GRAMD1B: variants seen among roughly 807,000 people sequenced by gnomAD.
GRAMD1B encodes the protein protein Aster-B.
In GRAMD1B, 37 loss-of-function variants were observed where a neutral mutation model predicts 99.7. That is an observed-to-expected ratio of 0.37 (90% confidence interval 0.29 to 0.49). The LOEUF (loss-of-function observed/expected upper bound fraction) is 0.49. Ranked by LOEUF, GRAMD1B falls within the 20% of genes least tolerant of loss-of-function variation. The pLI, the probability that GRAMD1B is intolerant of heterozygous loss-of-function variation, is 0.98. For synonymous variants in GRAMD1B, 427 were observed against 387.6 expected, an observed-to-expected ratio of 1.10 and a Z score of -1.19; for missense variants, 888 against 1,009.2, an observed-to-expected ratio of 0.88 and a Z score of 1.63.
intron 1 of GRAMD1B, among the ~76,000 whole-genome samples, chr11:123,404,495 ATTG>A (rs1947785920): frequency 1.3e-5 from 2 of 152,342 alleles, no homozygotes; most frequent in South Asian, 4.1e-4. Context: ...TAACTGATCA[ATTG>A]TTGTTTTTAA....
intron 2 of GRAMD1B, among the ~76,000 whole-genome samples, chr11:123,534,646 T>A (rs1357406005): frequency 6.6e-6 from 1 of 152,042 alleles, no homozygotes. Context: ...GTGGATCACA[T>A]GAGGTCAGGA....
At chr11:123,605,619 G>A in intron 10 of GRAMD1B, 141 bp downstream of exon 10, 2 of 673,638 alleles carry the variant, frequency 3.0e-6, no homozygotes, top group South Asian at 4.4e-5. Context: ...GAGGCATTCT[G>A]GAGCAGATGG....
At chr11:123,483,732 G>C (rs1025436158) in intron 2 of GRAMD1B, among the ~76,000 whole-genome samples, 1 of 152,102 alleles carries the variant, frequency 6.6e-6, no homozygotes, top group Non-Finnish European at 1.5e-5. Flanking sequence ...CCGCAGATAA[G>C]GGGGGACTGC....
At chr11:123,373,651 A>G (rs1028227617) in intron 1 of GRAMD1B, among the ~76,000 whole-genome samples, 5 of 152,194 alleles carry the variant, frequency 3.3e-5, no homozygotes, top group Non-Finnish European at 7.3e-5. Flanking sequence ...TGTCTTACAT[A>G]CTTAGGTGGG....
chr11:123,433,578 C>T lies in GRAMD1B; in HGVS notation c.374+2412C>T, dbSNP rs1441901638. Among the ~76,000 whole-genome samples the T allele has an allele frequency of 3.3e-5, 5 of 151,942 alleles. No homozygotes were observed. In the East Asian group the frequency reaches 9.7e-4, roughly 29 times the overall value. On this transcript the variant is annotated intron_variant, in intron 1 of 19. Coordinates refer to ENST00000635736, the MANE Select transcript of GRAMD1B (RefSeq NM_001387025.1). Reference sequence around the variant, plus strand: ...TTGTGGTGTGAGGATCACATGAGCCCAAGAGTTCAAGGCTTTAGTAGGCTA... The same window carrying T: ...TTGTGGTGTGAGGATCACATGAGCCTAAGAGTTCAAGGCTTTAGTAGGCTA...
In GRAMD1B at chr11:123,513,837, G is replaced by A. The variant is rs548650655; in HGVS notation, c.452+32944G>A. ...ACACTTGGCTAATTTTTTATTTTTT[G>A]TAGAAATGGAGTCTCACTATGTTGC... is the stretch of plus-strand genomic sequence containing the variant. On this transcript the variant is annotated intron_variant, in intron 2 of 19. Transcript: ENST00000635736. Among the ~76,000 whole-genome samples, 10 of 151,582 alleles carry A rather than the reference G, an allele frequency of 6.6e-5. No homozygotes were observed. In the East Asian group the frequency reaches 1.7e-3, roughly 26 times the overall value.
At chr11:123,469,981 T>C (rs1950928610) in intron 1 of GRAMD1B, among the ~76,000 whole-genome samples, 1 of 152,190 alleles carries the variant, frequency 6.6e-6, no homozygotes, top group African/African-American at 2.4e-5. Context: ...TAAATATGTA[T>C]GGCATAGGAG....
At chr11:123,539,548 G>C (rs1011780975) in intron 2 of GRAMD1B, among the ~76,000 whole-genome samples, 1 of 152,096 alleles carries the variant, frequency 6.6e-6, no homozygotes, top group African/African-American at 2.4e-5. Context: ...GTTTCAGTGA[G>C]CCATAATCAC....
At chr11:123,423,720 T>C (rs1339786868) in intron 1 of GRAMD1B, among the ~76,000 whole-genome samples, 3 of 152,246 alleles carry the variant, frequency 2.0e-5, no homozygotes, top group Non-Finnish European at 1.5e-5. Flanking sequence ...TGAAATGTAG[T>C]ATACTTTAAA....
intron 17 of GRAMD1B, among the ~76,000 whole-genome samples, chr11:123,615,357 C>T (rs907248826): frequency 6.6e-6 from 1 of 152,170 alleles, no homozygotes. Context: ...ATTGCTATGA[C>T]ATTATAAAAC....
intron 7 of GRAMD1B, chr11:123,598,916 A>C: frequency 1.7e-6 from 2 of 1,157,450 alleles, no homozygotes; most frequent in Non-Finnish European, 2.6e-6. Flanking sequence ...TATGCTCTGC[A>C]TTCCTCCTGT....
At chr11:123,608,610 CT>C in intron 11 of GRAMD1B, 48 bp from the exon 12 acceptor site, 1 of 1,561,356 alleles carries the variant, frequency 6.4e-7, no homozygotes, top group Non-Finnish European at 8.7e-7. Context: ...CTGGGGCCCC[CT>C]CCCCCTCCGC....
intron 1 of GRAMD1B, among the ~76,000 whole-genome samples, chr11:123,368,258 C>CAAAAAAAA (rs1024340450): frequency 1.5e-4 from 13 of 88,042 alleles, no homozygotes; most frequent in East Asian, 3.8e-4. Context: ...CATCTTAAAA[C>CAAAAAAAA]AAAAAAAAAA....
At chr11:123,582,226 G>A (rs1949434938) in intron 3 of GRAMD1B, among the ~76,000 whole-genome samples, 2 of 152,212 alleles carry the variant, frequency 1.3e-5, no homozygotes, top group African/African-American at 4.8e-5. Context: ...CAGGGCTTCT[G>A]TGTGAGGACG....
At chr11:123,396,629 A>G (rs1180555232) in intron 1 of GRAMD1B, among the ~76,000 whole-genome samples, 2 of 152,152 alleles carry the variant, frequency 1.3e-5, no homozygotes, top group Non-Finnish European at 2.9e-5. Flanking sequence ...CATGTGTCCC[A>G]CTGCTCTGCT....
chr11:123,537,329 TG>T (rs1209049548), intron 2 of GRAMD1B, among the ~76,000 whole-genome samples: 2 of 152,278 alleles, frequency 1.3e-5, no homozygotes, highest in Non-Finnish European at 2.9e-5. Flanking sequence ...GGAGATTCTT[TG>T]TTTCATAATT....
chr11:123,403,832 C>T (rs1947759665), intron 1 of GRAMD1B, among the ~76,000 whole-genome samples: 1 of 152,116 alleles, frequency 6.6e-6, no homozygotes, highest in Non-Finnish European at 1.5e-5. Context: ...ACGTGAGCCA[C>T]CGCGCCCGGC....
intron 1 of GRAMD1B, among the ~76,000 whole-genome samples, chr11:123,360,752 C>T (rs1336582728): frequency 6.8e-6 from 1 of 147,920 alleles, no homozygotes. Context: ...TCCTTCTTTC[C>T]TTCCTTCCTT....
In GRAMD1B at chr11:123,584,297, A is replaced by G. The variant is rs1267175491; in HGVS notation, c.664-15A>G. On this transcript the variant is annotated splice_polypyrimidine_tract_variant and intron_variant, in intron 3 of 19. Coordinates refer to ENST00000635736, the MANE Select transcript of GRAMD1B (RefSeq NM_001387025.1). ...CCTGACTAATTCTACCTTCTCTTTC[A>G]TTTTCTCTTTTCAGAAAAGCCAGAG... 1.1e-6 allele frequency: 1 copy of G among 938,916 alleles called. No individual in the cohort carries two copies. Among genetic ancestry groups the G allele is most frequent in the East Asian group, 8.8e-5 (1 of 11,418 alleles). The allele number at this position is 938,916 out of a possible 1,614,324, so 58.2% of individuals were successfully genotyped here.
Sources: gnomAD v4.1 joint callset for allele counts (sites outside exome capture counted in the v4.1 genomes callset) on GRCh38, gnomAD v4.1.1 for gene constraint, MANE v1.5 for transcripts, NCBI Gene and HGNC (gene_info 2026-07-23, HGNC 2026-07-21) for gene names.